The following RIMBP2 variants were observed in gnomAD, a reference collection of about 807,000 sequenced individuals.
RIMBP2 encodes the protein RIMS binding protein 2.
In RIMBP2, 48 loss-of-function variants were observed where a neutral mutation model predicts 118.6. The observed-to-expected ratio is 0.40, with a 90% CI of 0.32 to 0.51. The LOEUF (loss-of-function observed/expected upper bound fraction) is 0.51. RIMBP2 is among the 20% of genes least tolerant of loss of function. RIMBP2 has a pLI of 0.41. For missense variants in RIMBP2, 1,551 were observed against 1,768.3 expected (o/e 0.88, Z 2.20); for synonymous variants, 762 against 742.9 (o/e 1.03, Z -0.42).
intron 11 of RIMBP2, among the ~76,000 whole-genome samples, chr12:130,440,865 G>A (rs946115754): frequency 3.3e-5 from 5 of 152,232 alleles, no homozygotes; most frequent in Non-Finnish European, 5.9e-5. Context: ...ATATCAGAGC[G>A]GGCAGTGGAG....
chr12:130,414,226 G>T lies in RIMBP2; in HGVS notation c.3319C>A (p.Arg1107=). 6.2e-7 allele frequency: 1 copy of T among 1,614,124 alleles called. No homozygotes were observed. The highest frequency in any genetic ancestry group is 1.1e-5 in the South Asian group (1 of 91,078). Residue 1107 remains arginine (R), a synonymous_variant, in exon 18 of 23, where the codon CGG becomes AGG. Transcript: ENST00000690449. ...TAGTCAAAGAGAGCCACAAAGATCC[G>T]GGCCGGGAGCTCTTCGGCACCAGGG... is the stretch of plus-strand genomic sequence containing the variant. ...TDPGAEELPA[R]IFVALFDYDP...
intron 20 of RIMBP2, among the ~76,000 whole-genome samples, chr12:130,407,172 C>G (rs1475764653): frequency 6.6e-6 from 1 of 152,178 alleles, no homozygotes; most frequent in East Asian, 1.9e-4. Flanking sequence ...CTTGTCAGAG[C>G]AAAGTACTGT....
chr12:130,443,391 G>A (rs148371382), intron 10 of RIMBP2, among the ~76,000 whole-genome samples: 65 of 152,290 alleles, frequency 4.3e-4, no homozygotes, highest in African/African-American at 1.4e-3. Flanking sequence ...GCCAGAAAAC[G>A]GAGAAGTGTT....
chr12:130,536,573 C>T (rs1030456587), intron 2 of RIMBP2, among the ~76,000 whole-genome samples: 21 of 152,240 alleles, frequency 1.4e-4, no homozygotes, highest in Middle Eastern at 3.4e-3. Flanking sequence ...ACAGATTGGC[C>T]GACTTCTGCA....
intron 4 of RIMBP2, among the ~76,000 whole-genome samples, chr12:130,491,686 A>G (rs2138444693): frequency 6.6e-6 from 1 of 152,306 alleles, no homozygotes; most frequent in East Asian, 1.9e-4. Context: ...GGTTTCGCCC[A>G]GAGACAGAAT....
At chr12:130,556,562 C>A (rs1446567760) in intron 2 of RIMBP2, among the ~76,000 whole-genome samples, 1 of 152,236 alleles carries the variant, frequency 6.6e-6, no homozygotes, top group African/African-American at 2.4e-5. Context: ...GACAACCAAG[C>A]AACTGTGAGA....
chr12:130,660,957 G>A (rs1158850282), intron 1 of RIMBP2, among the ~76,000 whole-genome samples: 4 of 152,196 alleles, frequency 2.6e-5, no homozygotes, highest in African/African-American at 7.2e-5. Context: ...GATGGCTCAC[G>A]CCTGTAATCC....
At chr12:130,640,258 T>C (rs2062558521) in intron 1 of RIMBP2, among the ~76,000 whole-genome samples, 4 of 152,232 alleles carry the variant, frequency 2.6e-5, no homozygotes. Flanking sequence ...ATGCTTTGCA[T>C]TTAATTAAAC....
chr12:130,481,424 G>A (rs191977143), intron 4 of RIMBP2, among the ~76,000 whole-genome samples: 2 of 152,104 alleles, frequency 1.3e-5, no homozygotes, highest in African/African-American at 2.4e-5. Context: ...CTCCCGGCCC[G>A]TGTTTCAGGC....
At chr12:130,496,525 G>T (rs2049175488) in intron 4 of RIMBP2, among the ~76,000 whole-genome samples, 1 of 152,162 alleles carries the variant, frequency 6.6e-6, no homozygotes, top group Admixed American at 6.5e-5. Flanking sequence ...GCTGCGAGGG[G>T]TGAGGCTCCA....
chr12:130,591,387 G>A lies in RIMBP2; in HGVS notation c.-217+36935C>T, dbSNP rs1270851167. Among the ~76,000 whole-genome samples the A allele has an allele frequency of 3.3e-5, 5 of 152,346 alleles. No homozygotes were observed. The East Asian group carries it at 9.6e-4, about 29-fold the overall frequency. Reference sequence around the variant, plus strand: ...AAATGGATGGGGAGCACGGCTCCTAGGCAGGAAGGGTCGCCTGGGTGTTGA... The same window carrying A: ...AAATGGATGGGGAGCACGGCTCCTAAGCAGGAAGGGTCGCCTGGGTGTTGA... On this transcript the variant is annotated intron_variant, in intron 2 of 22. Transcript: ENST00000690449.
chr12:130,497,862 C>T (rs2049336884), intron 4 of RIMBP2, among the ~76,000 whole-genome samples: 1 of 152,198 alleles, frequency 6.6e-6, no homozygotes. Flanking sequence ...AGGACTGACT[C>T]TGGGTTAAAT....
chr12:130,462,690 C>T (rs2080109210), intron 6 of RIMBP2, among the ~76,000 whole-genome samples: 2 of 152,162 alleles, frequency 1.3e-5, no homozygotes, highest in African/African-American at 4.8e-5. Flanking sequence ...GTGCAGTTGA[C>T]GTGCTTTCCC....
intron 2 of RIMBP2, among the ~76,000 whole-genome samples, chr12:130,535,666 CATATATACACAT>C (rs201553462): frequency 0.11 from 15,896 of 146,588 alleles, 991 homozygotes; most frequent in East Asian, 0.2. Context: ...TACACATATA[CATATATACACAT>C]ATATATACAC....
chr12:130,486,751 A>G (rs1260326938), intron 4 of RIMBP2, among the ~76,000 whole-genome samples: 1 of 150,006 alleles, frequency 6.7e-6, no homozygotes, highest in African/African-American at 2.5e-5. Context: ...TGTGCACCCA[A>G]ACTCCCCCCA....
chr12:130,477,420 C>A (rs1381060074), intron 5 of RIMBP2, among the ~76,000 whole-genome samples: 2 of 152,180 alleles, frequency 1.3e-5, no homozygotes, highest in Non-Finnish European at 2.9e-5. Flanking sequence ...AGTGCAGGTG[C>A]CATCAGGCGT....
In RIMBP2 at chr12:130,679,928, C is replaced by T. The variant is rs1210513986; in HGVS notation, c.-352+36294G>A. Among the ~76,000 whole-genome samples, 4 of 151,612 alleles carry T rather than the reference C, an allele frequency of 2.6e-5. No homozygotes were observed. In the East Asian group the frequency reaches 5.8e-4, roughly 22 times the overall value. On this transcript the variant is annotated intron_variant, in intron 1 of 22. Transcript: ENST00000690449. ...TCATGCAGGCAGTGTGTTCACCCAC[C>T]GCGGGAAGGACCCGTGAGTGTGATC... is the stretch of plus-strand genomic sequence containing the variant.
chr12:130,610,551 CTTTTTTTT>C lies in RIMBP2; in HGVS notation c.-217+17763_-217+17770del, dbSNP rs386378269. Among the ~76,000 whole-genome samples the C allele has an allele frequency of 3.1e-3, 256 of 81,542 alleles. 3 individuals carry two copies. Among genetic ancestry groups the C allele is most frequent in the South Asian group, 0.024 (56 of 2,360 alleles). The allele number at this position is 81,542 out of a possible 152,430, so 53.5% of individuals were successfully genotyped here. On this transcript the variant is annotated intron_variant, in intron 2 of 22. Coordinates refer to ENST00000690449, the MANE Select transcript of RIMBP2 (RefSeq NM_001393629.1). ...GTGACTCATCAAAGTAATTTTCCTG[CTTTTTTTT>C]TTTTTTTTTTTTTTTTTTTGAGACG...
At chr12:130,569,269 T>C (rs951328503) in intron 2 of RIMBP2, among the ~76,000 whole-genome samples, 4 of 152,154 alleles carry the variant, frequency 2.6e-5, no homozygotes, top group African/African-American at 9.7e-5. Context: ...ATCGGACTCA[T>C]GAAGAAACAT....
Sources: allele counts gnomAD v4.1 joint callset (sites outside exome capture counted in the v4.1 genomes callset), GRCh38; gene constraint gnomAD v4.1.1; transcripts MANE v1.5; gene names NCBI Gene and HGNC (gene_info 2026-07-23, HGNC 2026-07-21).